Variants in ZFYVE28 observed in about 807,000 individuals in gnomAD.
The protein encoded by ZFYVE28 is zinc finger FYVE-type containing 28, also known as lateral signaling target protein 2 homolog.
Under a neutral mutation model 82.1 loss-of-function variants are expected in ZFYVE28, and 40 were observed. The ratio of observed to expected loss-of-function variants is 0.49; its 90% CI spans 0.38 to 0.63. The LOEUF (loss-of-function observed/expected upper bound fraction) is 0.63. Among genes scored for constraint, ZFYVE28 ranks in the 30% least tolerant of loss-of-function variants. ZFYVE28 has a pLI of 0.00. For synonymous variants in ZFYVE28, 612 were observed against 546.1 expected, an observed-to-expected ratio of 1.12 and a Z score of -1.68; for missense variants, 1,321 against 1,242.1, an observed-to-expected ratio of 1.06 and a Z score of -0.96.
intron 8 of ZFYVE28, among the ~76,000 whole-genome samples, chr4:2,281,044 A>AC (rs1313566570): frequency 6.6e-6 from 1 of 152,092 alleles, no homozygotes; most frequent in Non-Finnish European, 1.5e-5. Context: ...GGCCATCTCA[A>AC]CCCCAGACAC....
rs1210944195 is a variant in ZFYVE28 at position 2,362,287 on chromosome 4, A to G, written c.40-8214T>C. Reference sequence around the variant, plus strand: ...CTCTCCAGGGCCAGCTTTCCATTAAAGCCTGGGACTTCTCGCTCCAGCACC... The same window carrying G: ...CTCTCCAGGGCCAGCTTTCCATTAAGGCCTGGGACTTCTCGCTCCAGCACC... On this transcript the variant is annotated intron_variant, in intron 1 of 12. Transcript: ENST00000290974. The surrounding 1 kb of genome is among the most constrained non-coding windows in gnomAD (Gnocchi z 5.1). 6.6e-6 allele frequency among the ~76,000 whole-genome samples: 1 copy of G among 152,100 alleles called. No individual in the cohort carries two copies. Among genetic ancestry groups the G allele is most frequent in the African/African-American group, 2.4e-5 (1 of 41,392 alleles).
At chr4:2,398,594 G>A (rs1426969314) in intron 1 of ZFYVE28, among the ~76,000 whole-genome samples, 6 of 152,066 alleles carry the variant, frequency 3.9e-5, no homozygotes, top group Non-Finnish European at 8.8e-5. Context: ...GCACAAGGTG[G>A]AGACCGAGAT....
chr4:2,330,221 C>T (rs1219481412), intron 6 of ZFYVE28: 3 of 949,490 alleles, frequency 3.2e-6, no homozygotes, highest in South Asian at 9.7e-5. Context: ...TCTGAATGTA[C>T]CAAAAACGAC....
Position 2,341,445 on chromosome 4 carries a change from C to G in ZFYVE28, c.318+33G>C. 1 of 1,610,232 alleles carries G rather than the reference C, an allele frequency of 6.2e-7. No individual in the cohort carries two copies. The highest frequency in any genetic ancestry group is 8.5e-7 in the Non-Finnish European group (1 of 1,179,244). ...GACTTGGCTAGACGCCACCCCACATCAGGACCTCCGAACCCGGGTGGCCAC... is the reference window on the plus strand; with the variant it reads ...GACTTGGCTAGACGCCACCCCACATGAGGACCTCCGAACCCGGGTGGCCAC... On this transcript the variant is annotated intron_variant, in intron 3 of 12. Coordinates refer to ENST00000290974, the MANE Select transcript of ZFYVE28 (RefSeq NM_020972.3). This position sits in a 1 kb window ranked among gnomAD's most constrained non-coding sequence, Gnocchi z 4.5.
At chr4:2,337,064 A>AGTT (rs1321422094) in intron 5 of ZFYVE28, among the ~76,000 whole-genome samples, 30 of 148,132 alleles carry the variant, frequency 2.0e-4, no homozygotes, top group Admixed American at 2.7e-4. Flanking sequence ...GGGGGTGAGG[A>AGTT]AGGTGACAAG....
At chr4:2,330,388 T>C (rs1271901356) in intron 6 of ZFYVE28, 9 of 997,898 alleles carry the variant, frequency 9.0e-6, no homozygotes, top group Non-Finnish European at 1.1e-5. Context: ...CAGCAGGGAG[T>C]AGGGGACAGT....
rs970559677 is a variant in ZFYVE28 at position 2,300,240 on chromosome 4, C to T, written c.2051+4049G>A. Among the ~76,000 whole-genome samples the T allele has an allele frequency of 6.6e-6, 1 of 152,158 alleles. No homozygotes were observed. Among genetic ancestry groups the T allele is most frequent in the African/African-American group, 2.4e-5 (1 of 41,426 alleles). On this transcript the variant is annotated intron_variant, in intron 8 of 12. Transcript: ENST00000290974. The surrounding 1 kb of genome is among the most constrained non-coding windows in gnomAD (Gnocchi z 4.6). ...GTCCCTGGAAGGAACAGACAACCAGCCTGAGTGGACTTTCTGTCATCTAGA... is the reference window on the plus strand; with the variant it reads ...GTCCCTGGAAGGAACAGACAACCAGTCTGAGTGGACTTTCTGTCATCTAGA...
At chr4:2,375,749 T>C (rs1002309097) in intron 1 of ZFYVE28, among the ~76,000 whole-genome samples, 2 of 152,148 alleles carry the variant, frequency 1.3e-5, no homozygotes, top group African/African-American at 2.4e-5. Flanking sequence ...ACTGACAGCC[T>C]CCACCCCTCC....
chr4:2,291,206 G>A (rs1046981239), intron 8 of ZFYVE28, among the ~76,000 whole-genome samples: 4 of 152,212 alleles, frequency 2.6e-5, no homozygotes, highest in Admixed American at 1.3e-4. Flanking sequence ...CCTGGTCTCC[G>A]GCTGCAGCAT....
chr4:2,292,062 G>A (rs1577928891), intron 8 of ZFYVE28, among the ~76,000 whole-genome samples: 1 of 152,192 alleles, frequency 6.6e-6, no homozygotes, highest in Non-Finnish European at 1.5e-5. Context: ...CCCCAACCAG[G>A]CTCCTCAGTC....
At position 2,394,082 on chromosome 4, in the gene ZFYVE28, G is replaced by GCA. The variant is rs1730130366; in HGVS notation, c.39+24201_39+24202dup. Reference sequence around the variant, plus strand: ...GCCTCCCGGACCTTCAGAGCCAGCGGCATTGCACGTCTACAGCCTTCTTCC... The same window carrying GCA: ...GCCTCCCGGACCTTCAGAGCCAGCGGCACATTGCACGTCTACAGCCTTCTTCC... On this transcript the variant is annotated intron_variant, in intron 1 of 12. Coordinates refer to ENST00000290974, the MANE Select transcript of ZFYVE28 (RefSeq NM_020972.3). This position sits in a 1 kb window ranked among gnomAD's most constrained non-coding sequence, Gnocchi z 4.0. 6.6e-6 allele frequency among the ~76,000 whole-genome samples: 1 copy of GCA among 152,162 alleles called. No individual in the cohort carries two copies. The highest frequency in any genetic ancestry group is 2.1e-4 in the South Asian group (1 of 4,822).
intron 6 of ZFYVE28, among the ~76,000 whole-genome samples, chr4:2,333,445 G>A (rs1721050374): frequency 6.6e-6 from 1 of 151,850 alleles, no homozygotes; most frequent in East Asian, 1.9e-4. Flanking sequence ...TGGGGGAAGT[G>A]GCTGCTGTTC....
At chr4:2,363,503 C>T (rs370839771) in intron 1 of ZFYVE28, among the ~76,000 whole-genome samples, 3 of 137,090 alleles carry the variant, frequency 2.2e-5, no homozygotes, top group Admixed American at 1.5e-4. Context: ...CTCTAACCTG[C>T]GGCTGCTTGC....
At chr4:2,282,034 G>A (rs1404959457) in intron 8 of ZFYVE28, among the ~76,000 whole-genome samples, 4 of 152,216 alleles carry the variant, frequency 2.6e-5, no homozygotes, top group Non-Finnish European at 5.9e-5. Context: ...GAAGAGTGAA[G>A]GGCACCTGCC....
chr4:2,371,915 G>A (rs573021236), intron 1 of ZFYVE28, among the ~76,000 whole-genome samples: 2 of 152,228 alleles, frequency 1.3e-5, no homozygotes, highest in Non-Finnish European at 2.9e-5. Context: ...CCAGGGCCGT[G>A]AGCTGATGGC....
intron 8 of ZFYVE28, among the ~76,000 whole-genome samples, chr4:2,289,544 G>A (rs920315348): frequency 2.0e-5 from 3 of 152,134 alleles, no homozygotes; most frequent in Admixed American, 6.5e-5. Context: ...CCCTCTGGAG[G>A]GTCAGGCAGG....
intron 8 of ZFYVE28, among the ~76,000 whole-genome samples, chr4:2,295,159 A>AT (rs1483478291): frequency 8.7e-6 from 1 of 115,538 alleles, no homozygotes; most frequent in African/African-American, 3.1e-5. Flanking sequence ...CATTTACAAC[A>AT]TTTTTTTGTT....
chr4:2,366,703 G>A (rs932129635), intron 1 of ZFYVE28, among the ~76,000 whole-genome samples: 1 of 152,196 alleles, frequency 6.6e-6, no homozygotes, highest in Non-Finnish European at 1.5e-5. Context: ...TATCACCTCA[G>A]TGTAGTCTCT....
chr4:2,316,419 T>C (rs1357205232), intron 7 of ZFYVE28: 1 of 152,306 alleles, frequency 6.6e-6, no homozygotes, highest in Non-Finnish European at 1.5e-5. Flanking sequence ...CATAGCACAC[T>C]AGGATTTAGA....
Sources: gnomAD v4.1 joint callset for allele counts (sites outside exome capture counted in the v4.1 genomes callset) on GRCh38, gnomAD v4.1.1 for gene constraint, Gnocchi (gnomAD v3.1) non-coding constraint, MANE v1.5 for transcripts, NCBI Gene and HGNC (gene_info 2026-07-23, HGNC 2026-07-21) for gene names.